The following LCN2 variants were observed in gnomAD, a reference collection of about 807,000 sequenced individuals.
The protein encoded by LCN2 is neutrophil gelatinase-associated lipocalin.
A neutral mutation model predicts 26.4 loss-of-function variants in LCN2; 27 were observed. The observed-to-expected ratio is 1.02, with a 90% CI of 0.76 to 1.41. The LOEUF is 1.41. LCN2 is among the 40% of genes most tolerant of loss of function. The pLI is 0.00. For missense variants in LCN2, 224 were observed against 237.6 expected, an observed-to-expected ratio of 0.94 and a Z score of 0.38; for synonymous variants, 94 against 98.9, an observed-to-expected ratio of 0.95 and a Z score of 0.30.
intron 2 of LCN2, 52 bp from the exon 3 acceptor site, chr9:128,151,586 G>C: frequency 6.9e-7 from 1 of 1,453,034 alleles, no homozygotes; most frequent in South Asian, 1.1e-5. Flanking sequence ...CAGCACAGGA[G>C]GCCCAAGCCT....
At chr9:128,152,115 C>T (rs529081788) in intron 4 of LCN2, 68 bp from the exon 5 acceptor site, 2 of 1,606,796 alleles carry the variant, frequency 1.2e-6, no homozygotes, top group Non-Finnish European at 1.7e-6. Flanking sequence ...GGATCTGAGG[C>T]CTCATCTACT....
chr9:128,150,883 T>C (rs907718298), intron 2 of LCN2, among the ~76,000 whole-genome samples: 3 of 152,210 alleles, frequency 2.0e-5, no homozygotes, highest in African/African-American at 7.2e-5. Flanking sequence ...CCAGCGGATC[T>C]GCTGCGGAGT....
rs895892614 is a variant in LCN2, at chr9:128,153,125, C to T, written c.*6C>T. 2.9e-5 allele frequency: 47 copies of T among 1,613,988 alleles called. No individual in the cohort carries two copies. The highest frequency in any genetic ancestry group is 2.8e-4 in the Admixed American group (17 of 59,996). ...ACCAGTGTATCGACGGCTGAGTGCA[C>T]AGTGAGTGTGGCTGGGCGGCTGCGA... On this transcript the variant is annotated splice_region_variant and 3_prime_UTR_variant, in exon 6 of 7. Coordinates refer to ENST00000277480, the MANE Select transcript of LCN2 (RefSeq NM_005564.5). The surrounding 1 kb of genome is among the most constrained non-coding windows in gnomAD (Gnocchi z 5.4).
Position 128,151,958 on chromosome 9 carries a change from C to T in LCN2, c.408C>T (p.Asn136=), listed in dbSNP as rs1458988756. Residue 136 remains asparagine (N), a synonymous_variant, in exon 4 of 7, where the codon AAC becomes AAT. Transcript: ENST00000277480. ...TCCGAGTGGTGAGCACCAACTACAA[C>T]CAGCATGCTATGGTGTTCTTCAAGA... ...YLVRVVSTNY[N]QHAMVFFKKV... is the part of the protein sequence containing the mutation. The T allele has an allele frequency of 1.9e-6, 3 of 1,614,014 alleles. No individual in the cohort carries two copies. The highest frequency in any genetic ancestry group is 1.3e-5 in the African/African-American group (1 of 74,922).
In LCN2 at chr9:128,149,560, T is replaced by C. The variant is rs773967246; in HGVS notation, c.35T>C (p.Leu12Pro). 3 of 1,613,860 alleles carry C rather than the reference T, an allele frequency of 1.9e-6. No individual in the cohort carries two copies. The highest frequency in any genetic ancestry group is 2.2e-5 in the South Asian group (2 of 91,074). Residue 12 changes from leucine to proline, a missense_variant, in exon 1 of 7, where the codon CTG becomes CCG. Leu to Pro is a moderately conservative substitution (Grantham distance 98, BLOSUM62 -3). Transcript: ENST00000277480. ...GGTCTCCTGTGGCTGGGCCTAGCCC[T>C]GTTGGGGGCTCTGCATGCCCAGGCC... ...PLGLLWLGLALLGALHAQAQD... is the reference protein window; with the variant it reads ...PLGLLWLGLAPLGALHAQAQD...
chr9:128,151,885 C>A, intron 3 of LCN2, 21 bp from the exon 4 acceptor site: 1 of 1,613,802 alleles, frequency 6.2e-7, no homozygotes, highest in Non-Finnish European at 8.5e-7. Context: ...AGGGCTGACC[C>A]CTCACCGTCC....
chr9:128,150,339 A>T lies in LCN2; in HGVS notation c.240A>T (p.Glu80Asp). The change falls in exon 2 of 7, where the codon GAA (glutamate) becomes GAT (aspartate). Residue 80 changes from glutamate (E) to aspartate (D), a missense_variant. By Grantham distance (45) the Glu-to-Asp change is conservative. Coordinates refer to ENST00000277480, the MANE Select transcript of LCN2 (RefSeq NM_005564.5). ...ATGCCACCATCTATGAGCTGAAAGA[A>T]GACAAGAGCTACAATGTCACCTCCG... The part of the protein sequence containing the change: ...KMYATIYELK[E>D]DKSYNVTSVL... 2 of 1,614,214 alleles carry T rather than the reference A, an allele frequency of 1.2e-6. No homozygotes were observed. The highest frequency in any genetic ancestry group is 1.7e-6 in the Non-Finnish European group (2 of 1,180,036).
intron 2 of LCN2, chr9:128,150,602 G>C (rs1424266621): frequency 2.9e-6 from 2 of 687,626 alleles, no homozygotes; most frequent in Non-Finnish European, 5.3e-6. Context: ...ACGGAGAGAG[G>C]AGGGGTGCCT....
intron 2 of LCN2, chr9:128,151,326 C>CGG (rs370467308): frequency 5.4e-6 from 3 of 553,262 alleles, no homozygotes; most frequent in Non-Finnish European, 6.6e-6. Context: ...TGTTGGGTGG[C>CGG]GGGGGGGGTG....
At position 128,153,148 on chromosome 9, in the gene LCN2, C is replaced by T. The variant is rs562714427; in HGVS notation, c.*7+22C>T. ...CACAGTGAGTGTGGCTGGGCGGCTG[C>T]GAGGGGGCTTGTGGGAGGCCAGGGT... On this transcript the variant is annotated intron_variant, in intron 6 of 6. Coordinates refer to ENST00000277480, the MANE Select transcript of LCN2 (RefSeq NM_005564.5). This position sits in a 1 kb window ranked among gnomAD's most constrained non-coding sequence, Gnocchi z 5.4. 19 of 1,613,846 alleles carry T rather than the reference C, an allele frequency of 1.2e-5. No homozygotes were observed. Among genetic ancestry groups the T allele is most frequent in the Admixed American group, 6.7e-5 (4 of 60,018 alleles).
chr9:128,151,326 CG>C (rs370467308), intron 2 of LCN2: 159 of 552,358 alleles, frequency 2.9e-4, no homozygotes, highest in South Asian at 1.1e-3. Context: ...TGTTGGGTGG[CG>C]GGGGGGGTGA....
chr9:128,150,107 C>A, intron 1 of LCN2, 131 bp from the exon 2 acceptor site: 1 of 1,209,986 alleles, frequency 8.3e-7, no homozygotes, highest in Non-Finnish European at 1.1e-6. Flanking sequence ...CAGGCCCAGC[C>A]TGGGCCCTGC....
rs1248915667 is a variant in LCN2, at chr9:128,150,094, G to T, written c.139-144G>T. On this transcript the variant is annotated intron_variant, in intron 1 of 6. Coordinates refer to ENST00000277480, the MANE Select transcript of LCN2 (RefSeq NM_005564.5). ...GCCTCCTGCTCCTGCCCCTTCACCA[G>T]TGCAGGCCCAGCCTGGGCCCTGCTG... 3.8e-6 allele frequency: 4 copies of T among 1,041,642 alleles called. No homozygotes were observed. Among genetic ancestry groups the T allele is most frequent in the African/African-American group, 3.2e-5 (2 of 61,780 alleles). 64.5% of individuals were successfully genotyped at this position (1,041,642 alleles called of 1,614,324 possible). A position where few individuals can be genotyped will look rare whatever the true frequency, so the allele number is the denominator to read the frequency against.
chr9:128,152,302 T>G lies in LCN2; in HGVS notation c.577+18T>G. 6.2e-7 allele frequency: 1 copy of G among 1,604,750 alleles called. No homozygotes were observed. The highest frequency in any genetic ancestry group is 8.5e-7 in the Non-Finnish European group (1 of 1,171,828). The stretch of plus-strand genomic sequence containing the variant: ...CCCAATCGGTAATGGCCAGTCTGGA[T>G]GAGGGGACGGGGACATGGGGACTGT... On this transcript the variant is annotated intron_variant, in intron 5 of 6. Transcript: ENST00000277480.
chr9:128,151,539 C>A, intron 2 of LCN2, 99 bp from the exon 3 acceptor site: 1 of 945,962 alleles, frequency 1.1e-6, no homozygotes, highest in Admixed American at 1.8e-5. Context: ...GGACTGAGAG[C>A]AACAGAACCC....
At chr9:128,149,812 C>T in intron 1 of LCN2, 149 bp downstream of exon 1, 1 of 932,468 alleles carries the variant, frequency 1.1e-6, no homozygotes, top group Non-Finnish European at 1.6e-6. Flanking sequence ...CACCAGGGTC[C>T]CCTGGTGGAA....
Position 128,150,368 on chromosome 9 carries a change from T to G in LCN2, c.269T>G (p.Leu90Arg), listed in dbSNP as rs755504808. The stretch of plus-strand genomic sequence containing the variant: ...AAGAGCTACAATGTCACCTCCGTCC[T>G]GTTTAGGTGAGGGCCGACATCTCCT... Reference protein sequence around the residue: ...EDKSYNVTSVLFRKKKCDYWI... With the variant: ...EDKSYNVTSVRFRKKKCDYWI... Residue 90 changes from leucine to arginine, a missense_variant, in exon 2 of 7, where the codon CTG becomes CGG. Leu to Arg is a moderately radical substitution (Grantham distance 102). Transcript: ENST00000277480. 3.1e-6 allele frequency: 5 copies of G among 1,614,054 alleles called. No homozygotes were observed. Among genetic ancestry groups the G allele is most frequent in the Non-Finnish European group, 4.2e-6 (5 of 1,180,026 alleles).
intron 2 of LCN2, chr9:128,151,334 G>A (rs899906955): frequency 1.1e-5 from 6 of 563,702 alleles, no homozygotes; most frequent in Non-Finnish European, 2.0e-5. Context: ...GGCGGGGGGG[G>A]TGAAAGCCAC....
rs769184359 is a variant in LCN2, at chr9:128,150,249, G to T, written c.150G>T (p.Lys50Asn). The T allele has an allele frequency of 4.1e-5, 66 of 1,613,772 alleles. No individual in the cohort carries two copies. Among genetic ancestry groups the T allele is most frequent in the Non-Finnish European group, 5.4e-5 (64 of 1,179,886 alleles). ...QNFQDNQFQG[K>N]WYVVGLAGNA... Reference sequence around the variant, plus strand: ...TCAGTCCCTTGCAGTTCCAGGGGAAGTGGTATGTGGTAGGCCTGGCAGGGA... The same window carrying T: ...TCAGTCCCTTGCAGTTCCAGGGGAATTGGTATGTGGTAGGCCTGGCAGGGA... The change falls in exon 2 of 7, where the codon AAG (lysine) becomes AAT (asparagine). Residue 50 changes from lysine to asparagine, a missense_variant. Lys to Asn is a moderately conservative substitution (Grantham distance 94). Transcript: ENST00000277480.
Sources: gnomAD v4.1 joint callset for allele counts (sites outside exome capture counted in the v4.1 genomes callset) on GRCh38, gnomAD v4.1.1 for gene constraint, Gnocchi (gnomAD v3.1) non-coding constraint, MANE v1.5 for transcripts, NCBI Gene and HGNC (gene_info 2026-07-23, HGNC 2026-07-21) for gene names.